Variants in SI observed in about 807,000 individuals in gnomAD.
SI encodes sucrase-isomaltase, also known as sucrase-isomaltase, intestinal.
A neutral mutation model predicts 253.3 loss-of-function variants in SI; 235 were observed. The ratio of observed to expected loss-of-function variants is 0.93; its 90% CI spans 0.83 to 1.03. SI has a LOEUF of 1.03. Ranked by LOEUF, SI falls within the 50% of genes least tolerant of loss-of-function variation. SI has a pLI of 0.00. For synonymous variants in SI, 819 were observed against 712.0 expected, an observed-to-expected ratio of 1.15 and a Z score of -2.39; for missense variants, 2,442 against 2,211.1, an observed-to-expected ratio of 1.10 and a Z score of -2.09.
intron 1 of SI, 93 bp downstream of exon 1, chr3:165,078,340 A>G (rs1056737399): frequency 6.6e-6 from 1 of 152,010 alleles, no homozygotes; most frequent in Non-Finnish European, 1.5e-5. Context: ...AGCCTAGTGC[A>G]GATAGATGGG....
At chr3:165,022,649 T>C (rs1711689054) in intron 26 of SI, among the ~76,000 whole-genome samples, 1 of 151,124 alleles carries the variant, frequency 6.6e-6, no homozygotes, top group African/African-American at 2.4e-5. Context: ...TTGTGCCGTC[T>C]CGTTTCAATA....
chr3:165,036,622 G>A, intron 21 of SI, 145 bp from the exon 22 acceptor site: 1 of 570,294 alleles, frequency 1.8e-6, no homozygotes, highest in Non-Finnish European at 3.1e-6. Context: ...GTATTTATAT[G>A]TATTAATAAT....
At chr3:165,028,250 A>C (rs755546318) in intron 25 of SI, among the ~76,000 whole-genome samples, 1 of 151,502 alleles carries the variant, frequency 6.6e-6, no homozygotes, top group Non-Finnish European at 1.5e-5. Flanking sequence ...GAGGTGAAAG[A>C]CCTCTACAAG....
chr3:165,014,183 G>A (rs1255417530), intron 33 of SI, among the ~76,000 whole-genome samples: 1 of 152,006 alleles, frequency 6.6e-6, no homozygotes, highest in East Asian at 1.9e-4. Flanking sequence ...CTTAATTTTG[G>A]CCCAAGATTC....
At chr3:165,043,234 A>G (rs1712941551) in intron 16 of SI, 59 bp from the exon 17 acceptor site, 2 of 1,081,048 alleles carry the variant, frequency 1.9e-6, no homozygotes, top group Non-Finnish European at 2.8e-6. Flanking sequence ...TGCCTAGAGC[A>G]TCACACTGTA....
chr3:165,080,841 T>C (rs1254579709), upstream of SI, among the ~76,000 whole-genome samples: 1 of 151,926 alleles, frequency 6.6e-6, no homozygotes, highest in Non-Finnish European at 1.5e-5. Flanking sequence ...ACATGGCACA[T>C]GTATCCATAT....
At chr3:165,072,217 A>G (rs754314359) in intron 3 of SI, among the ~76,000 whole-genome samples, 80 of 152,100 alleles carry the variant, frequency 5.3e-4, no homozygotes, top group Admixed American at 1.6e-3. Flanking sequence ...AATCTCTACC[A>G]CTGCATTTGG....
intron 44 of SI, 24 bp from the exon 45 acceptor site, chr3:164,987,250 T>G: frequency 1.3e-6 from 2 of 1,585,048 alleles, no homozygotes; most frequent in Non-Finnish European, 1.7e-6. Context: ...ATATATAATT[T>G]TACCCATGTT....
Position 165,055,897 on chromosome 3 carries a change from C to T in SI, c.1399-590G>A, listed in dbSNP as rs1026412104. Among the ~76,000 whole-genome samples the T allele has an allele frequency of 2.6e-5, 4 of 151,890 alleles. No homozygotes were observed. The South Asian group carries it at 6.3e-4, about 24-fold the overall frequency. On this transcript the variant is annotated intron_variant, in intron 12 of 47. Coordinates refer to ENST00000264382, the MANE Select transcript of SI (RefSeq NM_001041.4). Reference sequence around the variant, plus strand: ...ATTTTGCAGATTAGAGAAGTGATGCCCAGAGAAGTTAAGTAAGTTGTTCAA... The same window carrying T: ...ATTTTGCAGATTAGAGAAGTGATGCTCAGAGAAGTTAAGTAAGTTGTTCAA...
At chr3:165,042,449 G>A (rs1235340268) in intron 17 of SI, among the ~76,000 whole-genome samples, 1 of 152,038 alleles carries the variant, frequency 6.6e-6, no homozygotes, top group Non-Finnish European at 1.5e-5. Context: ...CGAAAAACAT[G>A]CCTATGATCA....
At chr3:165,046,043 C>A (rs144988211) in intron 16 of SI, among the ~76,000 whole-genome samples, 1,975 of 151,836 alleles carry the variant, frequency 0.013, 41 homozygotes, top group African/African-American at 0.045. Flanking sequence ...GTTGGCCAGG[C>A]TGGTCTCAAA....
At chr3:165,038,880 G>C (rs1388826113) in intron 20 of SI, among the ~76,000 whole-genome samples, 198 bp downstream of exon 20, 1 of 151,830 alleles carries the variant, frequency 6.6e-6, no homozygotes, top group Non-Finnish European at 1.5e-5. Context: ...TTTGAGTCTA[G>C]CTCATGTGCA....
At chr3:165,048,584 T>TATATAGAGAG (rs779292188) in intron 15 of SI, among the ~76,000 whole-genome samples, 1 of 125,266 alleles carries the variant, frequency 8.0e-6, no homozygotes, top group Non-Finnish European at 1.6e-5. Flanking sequence ...TATATATATA[T>TATATAGAGAG]AGAGAGAGAG....
chr3:165,002,059 C>G (rs1219791848), intron 37 of SI, among the ~76,000 whole-genome samples: 1 of 151,476 alleles, frequency 6.6e-6, no homozygotes, highest in South Asian at 2.1e-4. Context: ...CAGAGGGAGT[C>G]AAAGATGTTT....
At chr3:165,056,225 A>G (rs1171872908) in intron 12 of SI, among the ~76,000 whole-genome samples, 1 of 152,156 alleles carries the variant, frequency 6.6e-6, no homozygotes, top group Non-Finnish European at 1.5e-5. Context: ...AATTAAGGGT[A>G]GGAAATTGTG....
intron 37 of SI, among the ~76,000 whole-genome samples, chr3:165,002,252 T>C (rs1408634028): frequency 1.3e-5 from 2 of 151,740 alleles, no homozygotes; most frequent in Non-Finnish European, 3.0e-5. Context: ...GAATAGGCTT[T>C]ATTTCAATAC....
At chr3:165,002,234 C>T (rs996696142) in intron 37 of SI, among the ~76,000 whole-genome samples, 3 of 151,644 alleles carry the variant, frequency 2.0e-5, no homozygotes, top group African/African-American at 4.8e-5. Flanking sequence ...TTTCTTTCTA[C>T]ATTTGAAGAA....
chr3:165,027,498 C>T (rs945272443), intron 25 of SI, among the ~76,000 whole-genome samples: 3 of 151,098 alleles, frequency 2.0e-5, no homozygotes, highest in African/African-American at 4.9e-5. Flanking sequence ...AAGGACATAA[C>T]CAAAAAAGAA....
At chr3:165,038,568 AAT>A (rs1553774889) in intron 20 of SI, among the ~76,000 whole-genome samples, 64 of 151,326 alleles carry the variant, frequency 4.2e-4, no homozygotes, top group African/African-American at 1.5e-3. Context: ...AAAAAAAAAA[AAT>A]AAATAAATAT....
Sources: gnomAD v4.1 joint callset for allele counts (sites outside exome capture counted in the v4.1 genomes callset) on GRCh38, gnomAD v4.1.1 for gene constraint, MANE v1.5 for transcripts, NCBI Gene and HGNC (gene_info 2026-07-23, HGNC 2026-07-21) for gene names.